Variants in ATXN7 observed in about 807,000 individuals in gnomAD.
The protein encoded by ATXN7 is ataxin 7.
A neutral mutation model predicts 70.5 loss-of-function variants in ATXN7; 12 were observed. The observed-to-expected ratio is 0.17, with a 90% confidence interval of 0.11 to 0.28. The LOEUF is 0.28. Among genes scored for constraint, ATXN7 ranks in the 10% least tolerant of loss-of-function variants. The pLI is 1.00. For missense variants in ATXN7, 1,256 were observed against 1,131.7 expected, an observed-to-expected ratio of 1.11 and a Z score of -1.58; for synonymous variants, 498 against 448.7, an observed-to-expected ratio of 1.11 and a Z score of -1.39.
intron 1 of ATXN7, among the ~76,000 whole-genome samples, chr3:63,871,009 C>A (rs1702577745): frequency 6.6e-6 from 1 of 152,188 alleles, no homozygotes; most frequent in African/African-American, 2.4e-5. Context: ...CTACCTTTCT[C>A]TCCTGGCCAT....
At chr3:63,960,768 G>T (rs2075116102) in intron 5 of ATXN7, among the ~76,000 whole-genome samples, 1 of 151,660 alleles carries the variant, frequency 6.6e-6, no homozygotes, top group Admixed American at 6.6e-5. Flanking sequence ...AATAAAAAGT[G>T]TTGATGTATT....
intron 1 of ATXN7, among the ~76,000 whole-genome samples, chr3:63,869,428 C>G (rs1269446577): frequency 6.6e-6 from 1 of 151,930 alleles, no homozygotes; most frequent in East Asian, 1.9e-4. Flanking sequence ...CTTTTCTTTT[C>G]TTTTTGTTTT....
chr3:63,952,025 G>A (rs1334758026), intron 4 of ATXN7, among the ~76,000 whole-genome samples: 1 of 152,210 alleles, frequency 6.6e-6, no homozygotes, highest in Non-Finnish European at 1.5e-5. Context: ...TTAAACAAAA[G>A]CATTAGATGG....
intron 5 of ATXN7, among the ~76,000 whole-genome samples, chr3:63,973,589 C>T (rs114228174): frequency 3.9e-5 from 6 of 152,256 alleles, no homozygotes; most frequent in Non-Finnish European, 8.8e-5. Context: ...CTTGGGCCTC[C>T]CTCGGCCACG....
intron 4 of ATXN7, among the ~76,000 whole-genome samples, chr3:63,915,998 T>C (rs1426210658): frequency 1.3e-5 from 2 of 152,194 alleles, no homozygotes; most frequent in Non-Finnish European, 2.9e-5. Context: ...AAACTCCTCA[T>C]CTTGAAATAT....
chr3:63,964,881 CTG>C (rs1184138337), intron 5 of ATXN7, among the ~76,000 whole-genome samples: 1 of 152,162 alleles, frequency 6.6e-6, no homozygotes, highest in African/African-American at 2.4e-5. Context: ...GTTAAAGCTC[CTG>C]TAAGTGCCAA....
Position 63,990,244 on chromosome 3 carries a change from C to T in ATXN7, c.1430C>T (p.Pro477Leu), listed in dbSNP as rs1200546413. 6.2e-7 allele frequency: 1 copy of T among 1,614,030 alleles called. No individual in the cohort carries two copies. Among genetic ancestry groups the T allele is most frequent in the East Asian group, 2.2e-5 (1 of 44,866 alleles). ...GACCCTCCTCCAGTCCATGAATCTC[C>T]ACACCCTCCCCTGCCTGCCACTGAG... ...PIDPPPVHES[P>L]HPPLPATEPA... The change falls in exon 10 of 13, where the codon CCA becomes CTA. Residue 477 changes from proline (P) to leucine (L), a missense_variant. Pro to Leu is a moderately conservative substitution (Grantham distance 98, BLOSUM62 -3). Coordinates refer to ENST00000674280, the MANE Select transcript of ATXN7 (RefSeq NM_001377405.1).
intron 5 of ATXN7, among the ~76,000 whole-genome samples, chr3:63,955,663 AAC>A (rs753075005): frequency 9.7e-4 from 147 of 152,246 alleles, no homozygotes; most frequent in Admixed American, 2.0e-3. Context: ...CAGTTAACAA[AAC>A]ACAGTTTTCA....
chr3:63,875,711 C>T (rs1379312529), intron 1 of ATXN7, among the ~76,000 whole-genome samples: 1 of 152,094 alleles, frequency 6.6e-6, no homozygotes, highest in African/African-American at 2.4e-5. Flanking sequence ...TTTATATGGT[C>T]CTGGCTGTTT....
intron 1 of ATXN7, among the ~76,000 whole-genome samples, chr3:63,895,760 TTCTGTCTCTCTCTTGTTTC>T (rs1403681267): frequency 6.6e-6 from 1 of 152,002 alleles, no homozygotes; most frequent in Admixed American, 6.6e-5. Flanking sequence ...TTTCTCTCTT[TTCTGTCTCTCTCTTGTTTC>T]TCTGTCTCTC....
intron 4 of ATXN7, among the ~76,000 whole-genome samples, chr3:63,924,769 G>T (rs577235422): frequency 6.6e-6 from 1 of 152,308 alleles, no homozygotes; most frequent in East Asian, 1.9e-4. Flanking sequence ...TGAAGAAGTG[G>T]AGAGGGCAAG....
intron 5 of ATXN7, among the ~76,000 whole-genome samples, chr3:63,974,218 A>G (rs530895891): frequency 2.0e-5 from 3 of 152,352 alleles, no homozygotes; most frequent in Non-Finnish European, 4.4e-5. Context: ...AGCAACTTCC[A>G]AAATGGAAAG....
intron 1 of ATXN7, among the ~76,000 whole-genome samples, chr3:63,896,611 C>T (rs1217834880): frequency 6.6e-6 from 1 of 152,130 alleles, no homozygotes; most frequent in African/African-American, 2.4e-5. Context: ...CTTTTGAACA[C>T]AGGGTTATTG....
intron 1 of ATXN7, among the ~76,000 whole-genome samples, chr3:63,882,388 T>C (rs1702941519): frequency 6.7e-6 from 1 of 149,588 alleles, no homozygotes; most frequent in African/African-American, 2.4e-5. Flanking sequence ...TTTGATTCTT[T>C]TTTTTTTTTT....
chr3:63,863,940 C>A lies in ATXN7; in HGVS notation c.-329C>A. On this transcript the variant is annotated 5_prime_UTR_variant, in exon 1 of 13. Coordinates refer to ENST00000674280, the MANE Select transcript of ATXN7 (RefSeq NM_001377405.1). ...CGGCCGCCTGCTCCGACGCCTGAGC[C>A]GCGCCGCGCCGCGCCGCCGCCGCCG... 4 of 154,162 alleles carry A rather than the reference C, an allele frequency of 2.6e-5. No homozygotes were observed. The highest frequency in any genetic ancestry group is 4.6e-5 in the Non-Finnish European group (4 of 87,904). The allele number at this position is 154,162 out of a possible 1,614,324, so 9.5% of individuals were successfully genotyped here.
chr3:63,930,228 A>G (rs1376427540), intron 4 of ATXN7, among the ~76,000 whole-genome samples: 1 of 152,218 alleles, frequency 6.6e-6, no homozygotes, highest in Non-Finnish European at 1.5e-5. Context: ...ATTTTAAAAG[A>G]TAAGTTTTTA....
chr3:63,930,157 G>C (rs1422623445), intron 4 of ATXN7, among the ~76,000 whole-genome samples: 1 of 152,194 alleles, frequency 6.6e-6, no homozygotes, highest in Non-Finnish European at 1.5e-5. Flanking sequence ...TGAGAGGTCA[G>C]GCTTTAATGC....
In ATXN7 at chr3:63,996,247, C is replaced by G. The variant is rs2075756898; in HGVS notation, c.2425C>G (p.His809Asp). 1.2e-6 allele frequency: 2 copies of G among 1,614,166 alleles called. No homozygotes were observed. The highest frequency in any genetic ancestry group is 1.1e-5 in the South Asian group (1 of 91,088). The change falls in exon 12 of 13, where the codon CAC (histidine) becomes GAC (aspartate). Residue 809 changes from histidine (H) to aspartate (D), a missense_variant. Transcript: ENST00000674280. ...TACTCTTTCTCTTGGGCCATTCATTCACCAGTCCAATGAACTGCCTGTCAA... is the reference window on the plus strand; with the variant it reads ...TACTCTTTCTCTTGGGCCATTCATTGACCAGTCCAATGAACTGCCTGTCAA... ...DSTLSLGPFI[H>D]QSNELPVNSH...
chr3:63,885,493 G>A (rs1326091752), intron 1 of ATXN7, among the ~76,000 whole-genome samples: 1 of 152,064 alleles, frequency 6.6e-6, no homozygotes, highest in Non-Finnish European at 1.5e-5. Flanking sequence ...TTGGTAGTGG[G>A]GATGTAAATT....
Sources: gnomAD v4.1 joint callset for allele counts (sites outside exome capture counted in the v4.1 genomes callset) on GRCh38, gnomAD v4.1.1 for gene constraint, MANE v1.5 for transcripts, NCBI Gene and HGNC (gene_info 2026-07-23, HGNC 2026-07-21) for gene names.